Variants in SSBP2 observed in about 807,000 individuals in gnomAD.
SSBP2 encodes single-stranded DNA-binding protein 2.
In SSBP2, 17 loss-of-function variants were observed where a neutral mutation model predicts 61.8. The ratio of observed to expected loss-of-function variants is 0.28; its 90% CI spans 0.19 to 0.41. The LOEUF (loss-of-function observed/expected upper bound fraction) is 0.41, where lower values mean the gene tolerates loss of function less well. SSBP2 is among the 10% of genes least tolerant of loss of function. The pLI is 1.00. For synonymous variants in SSBP2, 139 were observed against 141.3 expected (o/e 0.98, Z 0.12); for missense variants, 310 against 458.7 (o/e 0.68, Z 2.96).
rs138379982 is a variant in SSBP2, at chr5:81,529,702, A to C, written c.283-15985T>G. Among the ~76,000 whole-genome samples, 58 of 152,270 alleles carry C rather than the reference A, an allele frequency of 3.8e-4. No individual in the cohort carries two copies. The East Asian group carries it at 0.011, about 29-fold the overall frequency. ...AAAAACAATTCAGATTAGAAGAACA[A>C]CATAGATATGCACAAAGGAAGCAAT... is the stretch of plus-strand genomic sequence containing the variant. On this transcript the variant is annotated intron_variant, in intron 4 of 16. Transcript: ENST00000320672.
intron 1 of SSBP2, among the ~76,000 whole-genome samples, chr5:81,666,502 A>G (rs1269503883): frequency 6.6e-6 from 1 of 152,212 alleles, no homozygotes; most frequent in Non-Finnish European, 1.5e-5. Flanking sequence ...AGAAATGTAA[A>G]CACTTACCTC....
intron 4 of SSBP2, among the ~76,000 whole-genome samples, chr5:81,602,495 G>A (rs1744462701): frequency 6.6e-6 from 1 of 152,094 alleles, no homozygotes; most frequent in African/African-American, 2.4e-5. Flanking sequence ...AAGATACTTG[G>A]ATGGCCTTTT....
intron 12 of SSBP2, among the ~76,000 whole-genome samples, chr5:81,445,067 G>A (rs1054576011): frequency 1.2e-4 from 18 of 145,686 alleles, no homozygotes; most frequent in Admixed American, 2.1e-4. Flanking sequence ...AGCTTGCAGC[G>A]AGCTGAGATT....
intron 4 of SSBP2, among the ~76,000 whole-genome samples, chr5:81,527,945 T>C (rs1770085881): frequency 6.6e-6 from 1 of 151,718 alleles, no homozygotes; most frequent in Non-Finnish European, 1.5e-5. Flanking sequence ...CCCTCTTTTA[T>C]ATATTTTTTC....
intron 4 of SSBP2, among the ~76,000 whole-genome samples, chr5:81,529,357 A>C (rs999666939): frequency 6.6e-6 from 1 of 152,180 alleles, no homozygotes; most frequent in African/African-American, 2.4e-5. Flanking sequence ...CTTGGTAAAA[A>C]TATTACATAT....
intron 12 of SSBP2, among the ~76,000 whole-genome samples, chr5:81,446,548 A>T (rs1032582911): frequency 2.0e-5 from 3 of 152,134 alleles, no homozygotes; most frequent in Admixed American, 6.5e-5. Context: ...ATTTATTCAG[A>T]AATTTTCTAA....
At chr5:81,607,123 T>C (rs1444389914) in intron 4 of SSBP2, among the ~76,000 whole-genome samples, 2 of 152,164 alleles carry the variant, frequency 1.3e-5, no homozygotes, top group Admixed American at 6.5e-5. Flanking sequence ...CTTTTGTCCA[T>C]AATAAAAACT....
chr5:81,569,890 T>C (rs917787930), intron 4 of SSBP2, among the ~76,000 whole-genome samples: 1 of 152,148 alleles, frequency 6.6e-6, no homozygotes, highest in African/African-American at 2.4e-5. Context: ...ATAATCATGG[T>C]AGTGTAAAGT....
intron 4 of SSBP2, among the ~76,000 whole-genome samples, chr5:81,548,751 T>C (rs1367433012): frequency 6.6e-6 from 1 of 152,018 alleles, no homozygotes; most frequent in East Asian, 1.9e-4. Flanking sequence ...TGAAATCCCG[T>C]CTCTACTAAA....
At chr5:81,473,859 C>A in intron 7 of SSBP2, 89 bp from the exon 8 acceptor site, 4 of 1,207,078 alleles carry the variant, frequency 3.3e-6, no homozygotes, top group Non-Finnish European at 4.9e-6. Flanking sequence ...GTGTTACTGT[C>A]TCATTTACCA....
rs1172310395 is a variant in SSBP2 at position 81,739,037 on chromosome 5, C to T, written c.62+11944G>A. On this transcript the variant is annotated intron_variant, in intron 1 of 16. Transcript: ENST00000320672. ...AAAATTAGCCGGGCATGGTGGTGCA[C>T]GCCTGTAGTCCCAGCTACTTGGGAG... is the stretch of plus-strand genomic sequence containing the variant. Among the ~76,000 whole-genome samples, 5 of 151,462 alleles carry T rather than the reference C, an allele frequency of 3.3e-5. 1 individual carries two copies. Among genetic ancestry groups the T allele is most frequent in the South Asian group, 4.2e-4 (2 of 4,788 alleles).
chr5:81,622,515 A>T (rs1325768237), intron 3 of SSBP2, among the ~76,000 whole-genome samples: 4 of 152,228 alleles, frequency 2.6e-5, no homozygotes, highest in African/African-American at 9.7e-5. Flanking sequence ...AACTGATCAG[A>T]AACACAATTT....
intron 4 of SSBP2, among the ~76,000 whole-genome samples, chr5:81,551,829 C>T (rs1772213749): frequency 6.6e-6 from 1 of 152,052 alleles, no homozygotes; most frequent in Non-Finnish European, 1.5e-5. Context: ...TGTCCTGGTA[C>T]TTAAAAAATA....
intron 4 of SSBP2, among the ~76,000 whole-genome samples, chr5:81,568,026 A>C (rs1399972600): frequency 2.0e-5 from 3 of 152,114 alleles, no homozygotes; most frequent in African/African-American, 7.2e-5. Flanking sequence ...GTCTCAGATG[A>C]GACTTTGGAC....
chr5:81,741,959 A>G (rs1171439642), intron 1 of SSBP2, among the ~76,000 whole-genome samples: 1 of 152,208 alleles, frequency 6.6e-6, no homozygotes, highest in East Asian at 1.9e-4. Context: ...TCTCATTATA[A>G]AAGAGGCAGC....
intron 7 of SSBP2, 59 bp downstream of exon 7, chr5:81,474,436 GA>G: frequency 6.9e-7 from 1 of 1,451,270 alleles, no homozygotes; most frequent in Non-Finnish European, 9.7e-7. Context: ...TTCCTTAAGA[GA>G]TAAAAGATTT....
At chr5:81,426,619 T>C (rs970714467) in intron 16 of SSBP2, among the ~76,000 whole-genome samples, 1 of 152,224 alleles carries the variant, frequency 6.6e-6, no homozygotes, top group Non-Finnish European at 1.5e-5. Context: ...TTGTTTGCCA[T>C]GTGCATAGTC....
chr5:81,683,958 GA>G (rs1187857458), intron 1 of SSBP2, among the ~76,000 whole-genome samples: 5 of 152,282 alleles, frequency 3.3e-5, no homozygotes, highest in African/African-American at 1.2e-4. Flanking sequence ...ACCAAATGCT[GA>G]CAAAAATGTG....
At chr5:81,623,231 C>T (rs1445894581) in intron 3 of SSBP2, among the ~76,000 whole-genome samples, 2 of 151,968 alleles carry the variant, frequency 1.3e-5, no homozygotes, top group East Asian at 1.9e-4. Context: ...AATATAATAT[C>T]TCTTCTTCTT....
Sources: allele counts gnomAD v4.1 joint callset (sites outside exome capture counted in the v4.1 genomes callset), GRCh38; gene constraint gnomAD v4.1.1; transcripts MANE v1.5; gene names NCBI Gene and HGNC (gene_info 2026-07-23, HGNC 2026-07-21).